REELD1: variants seen among roughly 807,000 people sequenced by gnomAD.
The protein encoded by REELD1 is reelin domain-containing protein 1.
Under a neutral mutation model 6.3 loss-of-function variants are expected in REELD1, and 12 were observed. The observed-to-expected ratio is 1.89, with a 90% confidence interval of 1.21 to 3.07. REELD1 has a LOEUF of 3.07. Ranked by LOEUF, REELD1 falls within the 30% of genes most tolerant of loss-of-function variation. The pLI is 0.00. For missense variants in REELD1, 163 were observed against 86.8 expected (o/e 1.88, Z -3.49); for synonymous variants, 57 against 33.6 (o/e 1.70, Z -2.42).
Position 146,230,381 on chromosome 4 carries a change from G to A in REELD1, c.1449G>A (p.Ser483=), listed in dbSNP as rs951537359. 2.5e-5 allele frequency: 10 copies of A among 398,656 alleles called. No individual in the cohort carries two copies. The highest frequency in any genetic ancestry group is 1.3e-4 in the South Asian group (1 of 7,862). 24.7% of individuals were successfully genotyped at this position (398,656 alleles called of 1,614,324 possible). ...AAGTGTCTTTCAGTGAGCCCGCTTCGGATGCTGTTGCCAGGAGCAACAGTG... is the reference window on the plus strand; with the variant it reads ...AAGTGTCTTTCAGTGAGCCCGCTTCAGATGCTGTTGCCAGGAGCAACAGTG... ...QTEVSFSEPA[S]DAVARSNSGE... is the part of the protein sequence containing the mutation. Residue 483 remains serine (S), a synonymous_variant, in exon 8 of 8, where the codon TCG becomes TCA. Transcript: ENST00000623665.
intron 7 of REELD1, 63 bp downstream of exon 7, chr4:146,229,151 C>T (rs1731081528): frequency 1.4e-6 from 1 of 691,430 alleles, no homozygotes; most frequent in Non-Finnish European, 2.6e-6. Context: ...TGGTCAGTTT[C>T]AGGCTGGGAA....
chr4:146,224,731 C>A, intron 5 of REELD1, 123 bp downstream of exon 5: 1 of 636,410 alleles, frequency 1.6e-6, no homozygotes. Flanking sequence ...AAACACCTGC[C>A]GTGGCCAACT....
In REELD1 at chr4:146,232,113, C is replaced by T. The variant is rs1414728584; in HGVS notation, c.*1600C>T. The T allele has an allele frequency of 6.6e-6, 1 of 152,226 alleles. No individual in the cohort carries two copies. The highest frequency in any genetic ancestry group is 2.4e-5 in the African/African-American group (1 of 41,462). The allele number at this position is 152,226 out of a possible 1,614,324, so 9.4% of individuals were successfully genotyped here. A position where few individuals can be genotyped will look rare whatever the true frequency, so the allele number is the denominator to read the frequency against. ...GGAGAGCTTTCATCTGGCCACATCA[C>T]ATCAGAGCCAGATGCACCATGTATG... On this transcript the variant is annotated 3_prime_UTR_variant, in exon 8 of 8. Coordinates refer to ENST00000623665, the MANE Select transcript of REELD1 (RefSeq NM_001354631.1).
At chr4:146,221,982 T>C (rs1158115423) in intron 3 of REELD1, among the ~76,000 whole-genome samples, 1 of 152,222 alleles carries the variant, frequency 6.6e-6, no homozygotes, top group African/African-American at 2.4e-5. Context: ...GTCTTACAAA[T>C]ACTTTTTTTT....
Position 146,232,238 on chromosome 4 carries a change from T to C in REELD1, c.*1725T>C, listed in dbSNP as rs1299877407. ...GTGAACAAATTACCTCTAGGCTTAG[T>C]AGTTGAAAATAAAATCACCACCAAC... On this transcript the variant is annotated 3_prime_UTR_variant, in exon 8 of 8. Coordinates refer to ENST00000623665, the MANE Select transcript of REELD1 (RefSeq NM_001354631.1). 2.0e-5 allele frequency: 3 copies of C among 152,216 alleles called. No homozygotes were observed. The highest frequency in any genetic ancestry group is 4.1e-4 in the South Asian group (2 of 4,826). The allele number at this position is 152,216 out of a possible 1,614,324, so 9.4% of individuals were successfully genotyped here. A position where few individuals can be genotyped will look rare whatever the true frequency, so the allele number is the denominator to read the frequency against.
chr4:146,229,169 C>T (rs1460811075), intron 7 of REELD1, 81 bp downstream of exon 7: 5 of 672,210 alleles, frequency 7.4e-6, no homozygotes, highest in Non-Finnish European at 1.3e-5. Flanking sequence ...GAAATCAGAG[C>T]TATTAGACTA....
chr4:146,215,570 C>T lies in REELD1; in HGVS notation c.-12+372C>T, dbSNP rs1201324176. On this transcript the variant is annotated intron_variant, in intron 2 of 7. Coordinates refer to ENST00000623665, the MANE Select transcript of REELD1 (RefSeq NM_001354631.1). ...TTGGTTTATGGATTATTTCCTTAGTCTATTGTTCTGATAGCTAGTTTTACT... is the reference window on the plus strand; with the variant it reads ...TTGGTTTATGGATTATTTCCTTAGTTTATTGTTCTGATAGCTAGTTTTACT... Among the ~76,000 whole-genome samples the T allele has an allele frequency of 2.0e-5, 3 of 150,600 alleles. No individual in the cohort carries two copies. The East Asian group carries it at 5.8e-4, about 29-fold the overall frequency.
intron 3 of REELD1, among the ~76,000 whole-genome samples, chr4:146,218,823 T>A (rs1447636134): frequency 6.6e-6 from 1 of 152,214 alleles, no homozygotes; most frequent in East Asian, 1.9e-4. Flanking sequence ...CCTAGTGTTC[T>A]GTGGCTAGGG....
chr4:146,228,564 T>G, intron 6 of REELD1, 42 bp downstream of exon 6: 1 of 668,654 alleles, frequency 1.5e-6, no homozygotes, highest in Non-Finnish European at 2.7e-6. Flanking sequence ...GTGATGGGAC[T>G]AGGATGAACA....
Position 146,222,439 on chromosome 4 carries a change from C to G in REELD1, c.291C>G (p.Phe97Leu), listed in dbSNP as rs528765931. 2.5e-6 allele frequency: 1 copy of G among 398,482 alleles called. No homozygotes were observed. The highest frequency in any genetic ancestry group is 2.1e-5 in the African/African-American group (1 of 48,622). 24.7% of individuals were successfully genotyped at this position (398,482 alleles called of 1,614,324 possible). ...CCGATCATCAAATCGCTGGCACTTT[C>G]GTTCTCATTCCTCCTCATTCCAAAC... ...RVSDHQIAGT[F>L]VLIPPHSKLM... The change falls in exon 4 of 8, where the codon TTC (phenylalanine) becomes TTG (leucine). Residue 97 changes from phenylalanine to leucine, a missense_variant. By Grantham distance (22) the Phe-to-Leu change is conservative. Transcript: ENST00000623665.
chr4:146,224,555 T>C lies in REELD1; in HGVS notation c.542T>C (p.Leu181Ser). Residue 181 changes from leucine (L) to serine (S), a missense_variant, in exon 5 of 8, where the codon TTG becomes TCG. Transcript: ENST00000623665. The stretch of plus-strand genomic sequence containing the variant: ...TCTGACGACCGCATGGAGCCCAGAT[T>C]GCTGATGCCAAACCTTCACCAGAGG... ...AHSDDRMEPR[L>S]LMPNLHQRLG... is the part of the protein sequence containing the mutation. 2 of 702,232 alleles carry C rather than the reference T, an allele frequency of 2.8e-6. No individual in the cohort carries two copies. Among genetic ancestry groups the C allele is most frequent in the Non-Finnish European group, 5.2e-6 (2 of 384,954 alleles). The allele number at this position is 702,232 out of a possible 1,614,324, so 43.5% of individuals were successfully genotyped here.
intron 6 of REELD1, 107 bp from the exon 7 acceptor site, chr4:146,228,918 T>A: frequency 1.5e-6 from 1 of 671,950 alleles, no homozygotes; most frequent in Non-Finnish European, 2.7e-6. Flanking sequence ...ATCAGAAGTT[T>A]TTCAAGTGAA....
intron 2 of REELD1, among the ~76,000 whole-genome samples, chr4:146,215,415 G>A (rs903341899): frequency 2.0e-5 from 3 of 152,156 alleles, no homozygotes; most frequent in Non-Finnish European, 2.9e-5. Context: ...AGAAAAGAAA[G>A]GCATTGTCTG....
chr4:146,227,597 A>G (rs2110925085), intron 5 of REELD1, among the ~76,000 whole-genome samples: 1 of 152,328 alleles, frequency 6.6e-6, no homozygotes, highest in East Asian at 1.9e-4. Flanking sequence ...AAAGCCAGAA[A>G]TTAGTGGACG....
chr4:146,228,166 A>G (rs1237264959), intron 5 of REELD1, 44 bp from the exon 6 acceptor site: 25 of 676,748 alleles, frequency 3.7e-5, no homozygotes, highest in Non-Finnish European at 3.5e-5. Flanking sequence ...GATGCGGGGA[A>G]AATGCTCTCA....
intron 2 of REELD1, 144 bp downstream of exon 2, chr4:146,215,342 T>A (rs1578694838): frequency 1.3e-5 from 2 of 152,262 alleles, no homozygotes; most frequent in East Asian, 3.8e-4. Context: ...TCTGAGAAGC[T>A]GTAGCCATGG....
Position 146,230,783 on chromosome 4 carries a change from T to C in REELD1, c.*270T>C, listed in dbSNP as rs139031094. 57 of 271,698 alleles carry C rather than the reference T, an allele frequency of 2.1e-4. No homozygotes were observed. Among genetic ancestry groups the C allele is most frequent in the Middle Eastern group, 1.1e-3 (1 of 952 alleles). 16.8% of individuals were successfully genotyped at this position (271,698 alleles called of 1,614,324 possible). A position where few individuals can be genotyped will look rare whatever the true frequency, so the allele number is the denominator to read the frequency against. On this transcript the variant is annotated 3_prime_UTR_variant, in exon 8 of 8. Transcript: ENST00000623665. ...GAAGACTTAAACTCAACACAATGAA[T>C]ATTGTATAACCCGCTCATTAACTAG...
At chr4:146,224,029 A>G (rs1344658782) in intron 4 of REELD1, among the ~76,000 whole-genome samples, 8 of 152,270 alleles carry the variant, frequency 5.3e-5, no homozygotes, top group Non-Finnish European at 7.3e-5. Context: ...CAATAAGGGT[A>G]GACATGTACA....
chr4:146,223,015 T>C (rs1460334057), intron 4 of REELD1, among the ~76,000 whole-genome samples: 1 of 152,136 alleles, frequency 6.6e-6, no homozygotes, highest in African/African-American at 2.4e-5. Context: ...TAAATGGGCA[T>C]AACCACAGCA....
Sources: allele counts gnomAD v4.1 joint callset (sites outside exome capture counted in the v4.1 genomes callset), GRCh38; gene constraint gnomAD v4.1.1; transcripts MANE v1.5; gene names NCBI Gene and HGNC (gene_info 2026-07-23, HGNC 2026-07-21).